The following IQGAP1 variants were observed in gnomAD, a reference collection of about 807,000 sequenced individuals.
IQGAP1 encodes the protein ras GTPase-activating-like protein IQGAP1.
Under a neutral mutation model 215.6 loss-of-function variants are expected in IQGAP1, and 66 were observed. That is an observed-to-expected ratio of 0.31 (90% CI 0.25 to 0.38). IQGAP1 has a LOEUF of 0.38. Ranked by LOEUF, IQGAP1 falls within the 10% of genes least tolerant of loss-of-function variation. IQGAP1 has a pLI of 1.00. For missense variants in IQGAP1, 1,712 were observed against 1,997.1 expected, an observed-to-expected ratio of 0.86 and a Z score of 2.72; for synonymous variants, 772 against 728.7, an observed-to-expected ratio of 1.06 and a Z score of -0.96.
rs376986776 is a variant in IQGAP1, at chr15:90,466,250, C to T, written c.1868-19C>T. On this transcript the variant is annotated intron_variant, in intron 16 of 37. Transcript: ENST00000268182. ...GACACTCTCTAAACTATTCTGGTAA[C>T]AGTTCTTTCCCGAAATAGTTGCCTT... 91 of 1,612,426 alleles carry T rather than the reference C, an allele frequency of 5.6e-5. No homozygotes were observed. The highest frequency in any genetic ancestry group is 7.4e-5 in the Non-Finnish European group (87 of 1,178,588).
chr15:90,451,448 T>C (rs916911824), intron 11 of IQGAP1, among the ~76,000 whole-genome samples: 1 of 152,132 alleles, frequency 6.6e-6, no homozygotes, highest in African/African-American at 2.4e-5. Context: ...CCTGGCTTTA[T>C]AACAACCCAT....
rs112699965 is a variant in IQGAP1 at position 90,497,925 on chromosome 15, G to A, written c.4860+585G>A. On this transcript the variant is annotated intron_variant, in intron 37 of 37. Coordinates refer to ENST00000268182, the MANE Select transcript of IQGAP1 (RefSeq NM_003870.4). ...AGACTCCTTTAGCTTTGTGTGTGTG[G>A]CACCGGTTAGTCTGCTTCTCTCTCC... Among the ~76,000 whole-genome samples, 3 of 152,196 alleles carry A rather than the reference G, an allele frequency of 2.0e-5. 1 individual carries two copies. Among genetic ancestry groups the A allele is most frequent in the African/African-American group, 7.2e-5 (3 of 41,526 alleles).
chr15:90,417,370 G>A (rs1437165837), intron 2 of IQGAP1, among the ~76,000 whole-genome samples: 3 of 152,176 alleles, frequency 2.0e-5, no homozygotes, highest in Non-Finnish European at 4.4e-5. Context: ...AATCCATCTC[G>A]AATTAATTTT....
In IQGAP1 at chr15:90,390,809, A is replaced by G. The variant is rs1436721808; in HGVS notation, c.91A>G (p.Met31Val). The part of the protein sequence containing the change: ...LDNERLTAEE[M>V]DERRRQNVAY... Reference sequence around the variant, plus strand: ...TAATGAAAGACTTACTGCAGAGGAGATGGATGAAAGGAGACGTCAGAACGT... The same window carrying G: ...TAATGAAAGACTTACTGCAGAGGAGGTGGATGAAAGGAGACGTCAGAACGT... Residue 31 changes from methionine (M) to valine (V), a missense_variant, in exon 2 of 38, where the codon ATG (methionine) becomes GTG (valine). Physicochemically the swap from Met to Val is conservative, Grantham distance 21 (BLOSUM62 1). This residue lies in a region of IQGAP1 where 1,021 missense variants were observed against 1,074.2 expected (regional missense o/e 0.95). Coordinates refer to ENST00000268182, the MANE Select transcript of IQGAP1 (RefSeq NM_003870.4). 1.2e-6 allele frequency: 2 copies of G among 1,613,144 alleles called. No individual in the cohort carries two copies. Among genetic ancestry groups the G allele is most frequent in the Non-Finnish European group, 1.7e-6 (2 of 1,179,138 alleles).
At chr15:90,479,376 A>G (rs1189418076) in intron 26 of IQGAP1, among the ~76,000 whole-genome samples, 1 of 152,074 alleles carries the variant, frequency 6.6e-6, no homozygotes, top group African/African-American at 2.4e-5. Context: ...CTTTCCATGT[A>G]CCCGGATGCC....
chr15:90,481,876 T>G, intron 26 of IQGAP1, 84 bp from the exon 27 acceptor site: 1 of 1,420,362 alleles, frequency 7.0e-7, no homozygotes, highest in Non-Finnish European at 9.8e-7. Context: ...CTGGGTCTTA[T>G]AGTTTATGAA....
At chr15:90,464,379 C>A (rs1965801903) in intron 15 of IQGAP1, among the ~76,000 whole-genome samples, 1 of 152,098 alleles carries the variant, frequency 6.6e-6, no homozygotes, top group Non-Finnish European at 1.5e-5. Context: ...ACCTACATAA[C>A]CTCAGTATGA....
intron 26 of IQGAP1, among the ~76,000 whole-genome samples, chr15:90,479,225 C>CT (rs953861044): frequency 1.3e-5 from 2 of 151,460 alleles, no homozygotes; most frequent in Admixed American, 6.6e-5. Flanking sequence ...TTAACTGATA[C>CT]TTTTTTTTTC....
intron 2 of IQGAP1, among the ~76,000 whole-genome samples, chr15:90,400,688 A>T (rs958332942): frequency 3.9e-5 from 6 of 152,174 alleles, no homozygotes; most frequent in African/African-American, 9.7e-5. Flanking sequence ...CTCATTTGGC[A>T]TGTATTTCTT....
At chr15:90,472,755 C>T (rs879234429) in intron 18 of IQGAP1, 85 bp from the exon 19 acceptor site, 2 of 1,282,660 alleles carry the variant, frequency 1.6e-6, no homozygotes, top group Non-Finnish European at 2.2e-6. Context: ...GAGGTGTTAG[C>T]TTGTGTGCTG....
intron 2 of IQGAP1, among the ~76,000 whole-genome samples, chr15:90,414,905 T>C (rs541648650): frequency 6.6e-6 from 1 of 152,348 alleles, no homozygotes; most frequent in South Asian, 2.1e-4. Flanking sequence ...CATTCTTGTT[T>C]AATGGCATCA....
intron 11 of IQGAP1, among the ~76,000 whole-genome samples, chr15:90,450,885 G>A (rs969553702): frequency 6.7e-6 from 1 of 148,828 alleles, no homozygotes; most frequent in Admixed American, 6.8e-5. Context: ...CAGATGGATC[G>A]TTTGCAAATG....
At chr15:90,433,156 T>C (rs946487790) in intron 4 of IQGAP1, among the ~76,000 whole-genome samples, 3 of 152,264 alleles carry the variant, frequency 2.0e-5, no homozygotes, top group African/African-American at 4.8e-5. Flanking sequence ...CCCTCATACA[T>C]GCTCTATTCT....
chr15:90,443,921 G>A (rs980260070), intron 9 of IQGAP1, among the ~76,000 whole-genome samples: 3 of 151,788 alleles, frequency 2.0e-5, no homozygotes, highest in South Asian at 2.1e-4. Context: ...AAAATTAGCC[G>A]GGCATGGTGG....
At chr15:90,434,449 A>G (rs537796554) in intron 5 of IQGAP1, among the ~76,000 whole-genome samples, 3 of 152,070 alleles carry the variant, frequency 2.0e-5, no homozygotes. Context: ...AAAAAAAATA[A>G]TAATAATCAT....
intron 2 of IQGAP1, among the ~76,000 whole-genome samples, chr15:90,423,058 C>T (rs1965170516): frequency 6.6e-6 from 1 of 151,282 alleles, no homozygotes; most frequent in Admixed American, 6.7e-5. Flanking sequence ...GCATTTGCTT[C>T]CTGGCTCTCA....
intron 4 of IQGAP1, among the ~76,000 whole-genome samples, chr15:90,430,223 A>G (rs1965283072): frequency 6.6e-6 from 1 of 152,130 alleles, no homozygotes; most frequent in African/African-American, 2.4e-5. Flanking sequence ...TGTTGCTTTC[A>G]GTGAAATTGC....
At chr15:90,395,520 C>G (rs1380875934) in intron 2 of IQGAP1, among the ~76,000 whole-genome samples, 1 of 152,118 alleles carries the variant, frequency 6.6e-6, no homozygotes, top group Non-Finnish European at 1.5e-5. Context: ...CGGGGTTTCA[C>G]CGTGTTAGCC....
chr15:90,443,414 A>T lies in IQGAP1; in HGVS notation c.849A>T (p.Glu283Asp), dbSNP rs1319295113. The T allele has an allele frequency of 1.2e-6, 2 of 1,612,912 alleles. No individual in the cohort carries two copies. Among genetic ancestry groups the T allele is most frequent in the Non-Finnish European group, 1.7e-6 (2 of 1,179,054 alleles). ...AKNRTENSER[E>D]RDVYEELLTQ... ...CTCAGACAGAAAACTCAGAGAGAGA[A>T]AGAGATGTTTATGAGGAGCTGCTCA... Residue 283 changes from glutamate to aspartate, a missense_variant, in exon 9 of 38, where the codon GAA becomes GAT. Glu to Asp is a conservative substitution (Grantham distance 45). Around this residue, in one of 2 missense-constraint regions of IQGAP1, gnomAD observed 1,021 missense variants for 1,074.2 expected, o/e 0.95. Coordinates refer to ENST00000268182, the MANE Select transcript of IQGAP1 (RefSeq NM_003870.4).
Sources: gnomAD v4.1 joint callset for allele counts (sites outside exome capture counted in the v4.1 genomes callset) on GRCh38, gnomAD v4.1.1 for gene constraint, gnomAD v4.1.1 regional missense constraint, MANE v1.5 for transcripts, NCBI Gene and HGNC (gene_info 2026-07-23, HGNC 2026-07-21) for gene names.